The following ARHGEF3 variants were observed in gnomAD, a reference collection of about 807,000 sequenced individuals.
ARHGEF3 encodes 59.8 kDA protein.
In ARHGEF3, 28 loss-of-function variants were observed where a neutral mutation model predicts 63.2. The observed-to-expected ratio is 0.44, with a 90% CI of 0.33 to 0.61. The LOEUF is 0.61. ARHGEF3 is among the 20% of genes least tolerant of loss of function. ARHGEF3 has a pLI of 0.03. For synonymous variants in ARHGEF3, 266 were observed against 254.2 expected (o/e 1.05, Z -0.44); for missense variants, 533 against 659.3 (o/e 0.81, Z 2.10).
chr3:57,000,305 AACTCCCACACACACACAC>A (rs1339447833), intron 2 of ARHGEF3, among the ~76,000 whole-genome samples: 2 of 79,316 alleles, frequency 2.5e-5, no homozygotes, highest in Non-Finnish European at 4.8e-5. Context: ...TTTAGAGGGT[AACTCCCACACACACACAC>A]ACACACACAC....
rs41276475 is a variant in ARHGEF3 at position 56,732,347 on chromosome 3, C to T, written c.1119G>A (p.Gln373=). 8.7e-6 allele frequency: 14 copies of T among 1,614,220 alleles called. No homozygotes were observed. The highest frequency in any genetic ancestry group is 2.2e-5 in the East Asian group (1 of 44,880). The change falls in exon 9 of 10, where the codon CAG becomes CAA. Residue 373 remains glutamine, a synonymous_variant. Coordinates refer to ENST00000296315, the MANE Select transcript of ARHGEF3 (RefSeq NM_019555.3). ...TCACGGGGATTGGCTGACGGTACAG[C>T]TGGTAGCAAAGCTGCTCATTGTGGG... ...AVTHNEQLCY[Q]LYRQPIPVKD... is the part of the protein sequence containing the mutation.
intron 2 of ARHGEF3, among the ~76,000 whole-genome samples, chr3:57,010,658 G>A (rs567313827): frequency 6.6e-6 from 1 of 152,000 alleles, no homozygotes; most frequent in Non-Finnish European, 1.5e-5. Context: ...CCAACTTTAG[G>A]TGTGTAAAAC....
chr3:56,845,411 T>C (rs1258671662), intron 4 of ARHGEF3, among the ~76,000 whole-genome samples: 6 of 152,218 alleles, frequency 3.9e-5, no homozygotes, highest in African/African-American at 1.4e-4. Flanking sequence ...AGAAATCATA[T>C]ACAGCCTGGT....
chr3:56,755,072 C>A lies in ARHGEF3; in HGVS notation c.284G>T (p.Ser95Ile). The change falls in exon 3 of 10, where the codon AGC (serine) becomes ATC (isoleucine). Residue 95 changes from serine to isoleucine, a missense_variant. Coordinates refer to ENST00000296315, the MANE Select transcript of ARHGEF3 (RefSeq NM_019555.3). ...RPWSRNAAPS[S>I]TKRRDSKLWS... The stretch of plus-strand genomic sequence containing the variant: ...CAGCTTGCTATCTCTCCGTTTCGTG[C>A]TCGAGGGGGCGGCATTTCTGGACCA... 6.2e-7 allele frequency: 1 copy of A among 1,614,100 alleles called. No homozygotes were observed. The highest frequency in any genetic ancestry group is 8.5e-7 in the Non-Finnish European group (1 of 1,180,030).
At chr3:56,948,755 G>A (rs996128263) in intron 3 of ARHGEF3, among the ~76,000 whole-genome samples, 3 of 152,144 alleles carry the variant, frequency 2.0e-5, no homozygotes, top group Non-Finnish European at 4.4e-5. Context: ...CAGAAAAAGA[G>A]GGACTCCTCC....
chr3:56,952,065 T>C (rs999947748), intron 3 of ARHGEF3, among the ~76,000 whole-genome samples: 2 of 151,998 alleles, frequency 1.3e-5, no homozygotes, highest in Non-Finnish European at 2.9e-5. Flanking sequence ...CCTAGTAATG[T>C]CATGGGATAT....
At chr3:57,075,921 C>T (rs59202626) in intron 1 of ARHGEF3, among the ~76,000 whole-genome samples, 1,998 of 152,300 alleles carry the variant, frequency 0.013, 36 homozygotes, top group African/African-American at 0.046. Context: ...CCACAGCAGA[C>T]CTCACTCCAC....
At chr3:56,813,593 A>G (rs966492308) in intron 4 of ARHGEF3, among the ~76,000 whole-genome samples, 4 of 152,188 alleles carry the variant, frequency 2.6e-5, no homozygotes, top group Non-Finnish European at 5.9e-5. Context: ...AGAAGTGTTA[A>G]AGGAAGTGCC....
chr3:56,918,349 G>C (rs989955152), intron 3 of ARHGEF3, among the ~76,000 whole-genome samples: 8 of 152,346 alleles, frequency 5.3e-5, no homozygotes, highest in African/African-American at 1.4e-4. Context: ...GGCATTGTAC[G>C]TTTTATTTCT....
intron 2 of ARHGEF3, among the ~76,000 whole-genome samples, chr3:56,976,329 C>G (rs750199771): frequency 1.3e-5 from 2 of 152,188 alleles, no homozygotes; most frequent in Non-Finnish European, 2.9e-5. Flanking sequence ...AGGTGTGAGC[C>G]ACTGCATCCG....
At chr3:56,953,226 T>C (rs1699891559) in intron 3 of ARHGEF3, among the ~76,000 whole-genome samples, 1 of 152,232 alleles carries the variant, frequency 6.6e-6, no homozygotes. Context: ...CCTGGTGTGT[T>C]GTGAGCATTA....
chr3:56,935,636 C>T (rs2108405340), intron 3 of ARHGEF3, among the ~76,000 whole-genome samples: 1 of 152,248 alleles, frequency 6.6e-6, no homozygotes, highest in South Asian at 2.1e-4. Context: ...GTAACACTCA[C>T]CACGAAGGTC....
intron 3 of ARHGEF3, among the ~76,000 whole-genome samples, chr3:56,923,051 TA>T (rs1560053753): frequency 8.6e-4 from 14 of 16,334 alleles, no homozygotes; most frequent in African/African-American, 1.7e-3. Flanking sequence ...TATATATATA[TA>T]TATATATATA....
intron 1 of ARHGEF3, among the ~76,000 whole-genome samples, chr3:57,061,129 C>G (rs1170099507): frequency 1.3e-5 from 2 of 152,106 alleles, no homozygotes; most frequent in African/African-American, 4.8e-5. Flanking sequence ...AGCGGTAACT[C>G]CTCCTGCACC....
At chr3:56,987,372 C>T (rs552717689) in intron 2 of ARHGEF3, among the ~76,000 whole-genome samples, 2 of 152,216 alleles carry the variant, frequency 1.3e-5, no homozygotes, top group African/African-American at 2.4e-5. Flanking sequence ...AGGGCTCCCC[C>T]TCTTTGTCTC....
At chr3:56,989,703 G>A (rs904411824) in intron 2 of ARHGEF3, among the ~76,000 whole-genome samples, 1 of 152,094 alleles carries the variant, frequency 6.6e-6, no homozygotes, top group African/African-American at 2.4e-5. Context: ...GTGGATTCCA[G>A]CCCCAGCACC....
intron 2 of ARHGEF3, among the ~76,000 whole-genome samples, chr3:57,021,867 C>A (rs1367169699): frequency 6.6e-6 from 1 of 151,828 alleles, no homozygotes; most frequent in East Asian, 1.9e-4. Context: ...GCAGATGATA[C>A]AATTATATGT....
chr3:56,892,249 T>C (rs577903560), intron 3 of ARHGEF3, among the ~76,000 whole-genome samples: 12 of 151,708 alleles, frequency 7.9e-5, no homozygotes, highest in Non-Finnish European at 1.5e-4. Flanking sequence ...TCCAGAAAAA[T>C]TGTCCCAGAA....
intron 6 of ARHGEF3, among the ~76,000 whole-genome samples, chr3:56,750,801 T>C (rs1007974994): frequency 1.3e-5 from 2 of 151,874 alleles, no homozygotes. Flanking sequence ...GTTTCATGTG[T>C]ACCTTTACTT....
Sources: gnomAD v4.1 joint callset for allele counts (sites outside exome capture counted in the v4.1 genomes callset) on GRCh38, gnomAD v4.1.1 for gene constraint, MANE v1.5 for transcripts, NCBI Gene and HGNC (gene_info 2026-07-23, HGNC 2026-07-21) for gene names.